The following COL13A1 variants were observed in gnomAD, a reference collection of about 807,000 sequenced individuals.
The protein encoded by COL13A1 is collagen alpha-1(XIII) chain.
In COL13A1, 89 loss-of-function variants were observed where a neutral mutation model predicts 130.9. That is an observed-to-expected ratio of 0.68 (90% CI 0.57 to 0.81). The LOEUF (loss-of-function observed/expected upper bound fraction) is 0.81, where lower values mean the gene tolerates loss of function less well. Ranked by LOEUF, COL13A1 falls within the 30% of genes least tolerant of loss-of-function variation. COL13A1 has a pLI of 0.00. For synonymous variants in COL13A1, 402 were observed against 341.6 expected (o/e 1.18, Z -1.95); for missense variants, 879 against 934.6 (o/e 0.94, Z 0.78).
chr10:69,900,443 G>T (rs769385831), intron 14 of COL13A1, among the ~76,000 whole-genome samples: 1 of 152,210 alleles, frequency 6.6e-6, no homozygotes, highest in Non-Finnish European at 1.5e-5. Context: ...GCAAGAGGTG[G>T]TGAAGCCAGA....
intron 15 of COL13A1, among the ~76,000 whole-genome samples, chr10:69,904,528 A>C (rs1333359272): frequency 6.6e-6 from 1 of 152,280 alleles, no homozygotes; most frequent in East Asian, 1.9e-4. Flanking sequence ...GGGCTCCTCC[A>C]CTGGCAGGCA....
chr10:69,952,755 A>G, intron 38 of COL13A1, 127 bp from the exon 39 acceptor site: 3 of 660,070 alleles, frequency 4.5e-6, no homozygotes, highest in Non-Finnish European at 7.3e-6. Flanking sequence ...ACTGGGGAGA[A>G]TATCCTAATT....
chr10:69,851,261 G>A (rs1854712206), intron 2 of COL13A1, among the ~76,000 whole-genome samples: 1 of 152,258 alleles, frequency 6.6e-6, no homozygotes, highest in South Asian at 2.1e-4. Flanking sequence ...GTTCAGAGAA[G>A]TGAGAGAATC....
At chr10:69,947,486 C>G (rs2136217510) in intron 38 of COL13A1, 144 bp downstream of exon 38, 1 of 761,666 alleles carries the variant, frequency 1.3e-6, no homozygotes, top group Middle Eastern at 2.4e-4. Context: ...CAAGGAGGGC[C>G]TTAACCTGTG....
chr10:69,911,886 C>T (rs959597860), intron 17 of COL13A1, among the ~76,000 whole-genome samples: 2 of 152,236 alleles, frequency 1.3e-5, no homozygotes, highest in South Asian at 2.1e-4. Context: ...CAACCTTCCA[C>T]GACAGCTATT....
intron 30 of COL13A1, among the ~76,000 whole-genome samples, chr10:69,931,813 A>C (rs2683570): frequency 0.87 from 132,516 of 152,260 alleles, 57,748 homozygotes; most frequent in East Asian, 0.93. Context: ...CGGCCTAAGA[A>C]AATACACACT....
intron 35 of COL13A1, among the ~76,000 whole-genome samples, chr10:69,941,316 G>A (rs1465887670): frequency 6.6e-6 from 1 of 152,194 alleles, no homozygotes; most frequent in Admixed American, 6.5e-5. Flanking sequence ...CCACAGGAAT[G>A]CTGAGTCCAG....
chr10:69,826,725 A>AC (rs1284214420), intron 2 of COL13A1, among the ~76,000 whole-genome samples: 2 of 151,816 alleles, frequency 1.3e-5, no homozygotes, highest in African/African-American at 4.8e-5. Context: ...ATAACAGGAG[A>AC]CCCCCCAAAT....
chr10:69,935,539 C>T, intron 32 of COL13A1, 148 bp downstream of exon 32: 1 of 618,810 alleles, frequency 1.6e-6, no homozygotes. Flanking sequence ...CTCCTTTTCC[C>T]TCCCATGTTA....
At chr10:69,822,958 A>G (rs946089822) in intron 2 of COL13A1, among the ~76,000 whole-genome samples, 6 of 152,274 alleles carry the variant, frequency 3.9e-5, no homozygotes, top group Admixed American at 6.5e-5. Context: ...ACATGCTTAC[A>G]TGCAAGGAAT....
chr10:69,878,987 A>C (rs2059881296), intron 6 of COL13A1, among the ~76,000 whole-genome samples: 1 of 152,244 alleles, frequency 6.6e-6, no homozygotes, highest in Non-Finnish European at 1.5e-5. Flanking sequence ...CAATCTCAAC[A>C]ATTATAATAC....
intron 39 of COL13A1, among the ~76,000 whole-genome samples, chr10:69,953,733 GC>G (rs1438165224): frequency 1.3e-5 from 2 of 152,228 alleles, no homozygotes; most frequent in Non-Finnish European, 2.9e-5. Flanking sequence ...CGGAGAGGGG[GC>G]AGGTTGTATG....
intron 2 of COL13A1, among the ~76,000 whole-genome samples, chr10:69,860,258 A>G (rs1857601699): frequency 1.3e-5 from 2 of 152,134 alleles, no homozygotes; most frequent in African/African-American, 4.8e-5. Context: ...CGGTCTCCTG[A>G]GCTAGAAAAG....
chr10:69,856,920 A>C (rs1856594452), intron 2 of COL13A1, among the ~76,000 whole-genome samples: 1 of 152,206 alleles, frequency 6.6e-6, no homozygotes, highest in South Asian at 2.1e-4. Context: ...AGAGCCAGCA[A>C]AGTGCAACGG....
Position 69,880,389 on chromosome 10 carries a change from C to T in COL13A1, c.463-114C>T, listed in dbSNP as rs1240597171. ...TCCCTCTCCTGTCCCATGGGGCCGG[C>T]CTCCTGCTCCTGGCCCCCTGCCAGC... On this transcript the variant is annotated intron_variant, in intron 6 of 40. Coordinates refer to ENST00000645393, the MANE Select transcript of COL13A1 (RefSeq NM_001368882.1). 8 of 729,178 alleles carry T rather than the reference C, an allele frequency of 1.1e-5. No individual in the cohort carries two copies. The East Asian group carries it at 2.1e-4, about 19-fold the overall frequency. The allele number at this position is 729,178 out of a possible 1,614,324, so 45.2% of individuals were successfully genotyped here.
At chr10:69,886,466 C>A (rs17584162) in intron 7 of COL13A1, among the ~76,000 whole-genome samples, 36,810 of 152,158 alleles carry the variant, frequency 0.24, 5,414 homozygotes, top group Non-Finnish European at 0.33. Flanking sequence ...AAGGAGACCC[C>A]AGGCTGAGAA....
intron 23 of COL13A1, among the ~76,000 whole-genome samples, chr10:69,923,557 A>G (rs1455064567): frequency 6.6e-6 from 1 of 152,198 alleles, no homozygotes; most frequent in African/African-American, 2.4e-5. Flanking sequence ...CAGAGTGGAC[A>G]CCAGTAAAGG....
intron 27 of COL13A1, 41 bp downstream of exon 27, chr10:69,927,151 G>A (rs774154620): frequency 2.6e-6 from 4 of 1,535,436 alleles, no homozygotes; most frequent in African/African-American, 3.8e-5. Flanking sequence ...GCACTGGACG[G>A]GGGGGCTGGG....
At chr10:69,827,678 T>C (rs1222387105) in intron 2 of COL13A1, among the ~76,000 whole-genome samples, 1 of 152,188 alleles carries the variant, frequency 6.6e-6, no homozygotes, top group African/African-American at 2.4e-5. Context: ...CTATTTACCT[T>C]TGGGTTGTAA....
Sources: gnomAD v4.1 joint callset for allele counts (sites outside exome capture counted in the v4.1 genomes callset) on GRCh38, gnomAD v4.1.1 for gene constraint, MANE v1.5 for transcripts, NCBI Gene and HGNC (gene_info 2026-07-23, HGNC 2026-07-21) for gene names.